ZZEF1: variants seen among roughly 807,000 people sequenced by gnomAD.
ZZEF1 encodes the protein zinc finger ZZ-type and EF-hand domain-containing protein 1.
In ZZEF1, 157 loss-of-function variants were observed where a neutral mutation model predicts 342.8. The observed-to-expected ratio is 0.46, with a 90% CI of 0.40 to 0.52. The LOEUF is 0.52. Ranked by LOEUF, ZZEF1 falls within the 20% of genes least tolerant of loss-of-function variation. The pLI is 0.00. For synonymous variants in ZZEF1, 1,505 were observed against 1,429.1 expected (o/e 1.05, Z -1.20); for missense variants, 3,480 against 3,725.6 (o/e 0.93, Z 1.72).
intron 51 of ZZEF1, among the ~76,000 whole-genome samples, chr17:4,013,883 T>G (rs2056032139): frequency 6.6e-6 from 1 of 152,230 alleles, no homozygotes; most frequent in African/African-American, 2.4e-5. Context: ...GACAGAATGC[T>G]TCTCATAGCT....
At chr17:4,137,516 G>A (rs999906915) in intron 1 of ZZEF1, among the ~76,000 whole-genome samples, 1 of 152,206 alleles carries the variant, frequency 6.6e-6, no homozygotes, top group East Asian at 1.9e-4. Flanking sequence ...GGAGGCTGAG[G>A]CAGGAGAATG....
intron 32 of ZZEF1, among the ~76,000 whole-genome samples, chr17:4,057,299 A>T (rs1057159789): frequency 6.6e-6 from 1 of 152,230 alleles, no homozygotes; most frequent in Non-Finnish European, 1.5e-5. Flanking sequence ...TTCGTGAACT[A>T]AAGAGACGGC....
intron 1 of ZZEF1, among the ~76,000 whole-genome samples, chr17:4,130,235 C>T (rs2058641799): frequency 6.6e-6 from 1 of 152,162 alleles, no homozygotes; most frequent in African/African-American, 2.4e-5. Context: ...AGGCAGATCA[C>T]CTGAGGTCAG....
intron 42 of ZZEF1, among the ~76,000 whole-genome samples, chr17:4,028,319 C>T (rs1321296368): frequency 6.6e-6 from 1 of 152,152 alleles, no homozygotes; most frequent in Non-Finnish European, 1.5e-5. Context: ...GAGGCCAAGG[C>T]AGGCGAATCA....
intron 39 of ZZEF1, among the ~76,000 whole-genome samples, chr17:4,038,622 T>A (rs1029322716): frequency 6.6e-5 from 10 of 151,978 alleles, no homozygotes; most frequent in African/African-American, 2.4e-4. Flanking sequence ...CTGGCCAACA[T>A]GGTGAAACCC....
intron 39 of ZZEF1, among the ~76,000 whole-genome samples, chr17:4,039,268 G>C (rs1438062058): frequency 6.6e-6 from 1 of 151,674 alleles, no homozygotes; most frequent in Non-Finnish European, 1.5e-5. Flanking sequence ...GGCAGTTCTA[G>C]ACCAGCCTGT....
chr17:4,090,945 A>G (rs2057931788), intron 11 of ZZEF1, 115 bp from the exon 12 acceptor site: 3 of 754,522 alleles, frequency 4.0e-6, no homozygotes, highest in African/African-American at 3.4e-5. Context: ...TCAGTGAACA[A>G]TCGAGAGCTG....
chr17:4,034,025 A>G lies in ZZEF1; in HGVS notation c.6574T>C (p.Cys2192Arg), dbSNP rs772561610. The change falls in exon 40 of 55, where the codon TGT (cysteine) becomes CGT (arginine). Residue 2192 changes from cysteine (C) to arginine (R), a missense_variant. Around this residue, in one of 5 missense-constraint regions of ZZEF1, gnomAD observed 1,269 missense variants for 1,342.4 expected, o/e 0.95. Transcript: ENST00000381638. The stretch of plus-strand genomic sequence containing the variant: ...GAGGACCAAGGCTACCTGTCCAGAC[A>G]CACAGCTCCCAGGCTAAAGAGCAGG... ...THLLFSLGAV[C>R]LDSRVGLDWA... 26 of 1,613,906 alleles carry G rather than the reference A, an allele frequency of 1.6e-5. No individual in the cohort carries two copies. The highest frequency in any genetic ancestry group is 2.1e-5 in the Non-Finnish European group (25 of 1,179,992).
At chr17:4,063,315 T>TA (rs2057322494) in intron 29 of ZZEF1, among the ~76,000 whole-genome samples, 2 of 152,140 alleles carry the variant, frequency 1.3e-5, no homozygotes, top group Non-Finnish European at 2.9e-5. Flanking sequence ...CCTGGCTGGG[T>TA]GTGGTGGCTC....
At chr17:4,022,623 G>T in intron 44 of ZZEF1, 86 bp downstream of exon 44, 1 of 1,592,086 alleles carries the variant, frequency 6.3e-7, no homozygotes. Flanking sequence ...CAGGGCAGAA[G>T]CAGCTGGAAC....
chr17:4,130,366 T>C (rs1338447487), intron 1 of ZZEF1, among the ~76,000 whole-genome samples: 1 of 152,078 alleles, frequency 6.6e-6, no homozygotes, highest in African/African-American at 2.4e-5. Context: ...GGCAGGAGAA[T>C]CGCTTGAACC....
chr17:4,085,073 C>T (rs1035366669), intron 16 of ZZEF1, among the ~76,000 whole-genome samples: 2 of 152,132 alleles, frequency 1.3e-5, no homozygotes, highest in African/African-American at 2.4e-5. Flanking sequence ...GATTGCACCA[C>T]TGCACTCCAG....
chr17:4,042,672 G>C (rs1244779477), intron 38 of ZZEF1, 104 bp from the exon 39 acceptor site: 3 of 1,217,862 alleles, frequency 2.5e-6, no homozygotes, highest in East Asian at 2.6e-5. Flanking sequence ...AATAAAGCTG[G>C]GATTTTATTC....
At chr17:4,116,889 G>A (rs750929724) in intron 3 of ZZEF1, 83 bp downstream of exon 3, 7 of 1,378,102 alleles carry the variant, frequency 5.1e-6, no homozygotes, top group Non-Finnish European at 6.8e-6. Context: ...TGAAGGCAGG[G>A]AAAAGAATTG....
intron 43 of ZZEF1, 58 bp downstream of exon 43, chr17:4,024,861 C>A: frequency 6.6e-7 from 1 of 1,504,362 alleles, no homozygotes; most frequent in South Asian, 1.1e-5. Flanking sequence ...TAGTTAATCC[C>A]CATGCAGATG....
Position 4,022,821 on chromosome 17 carries a change from C to T in ZZEF1, c.7100G>A (p.Gly2367Asp), listed in dbSNP as rs755326282. ...KGLYKTLKAH[G>D]FEEIRATFLQ... The stretch of plus-strand genomic sequence containing the variant: ...GAAAGTAGCACGGATCTCCTCAAAA[C>T]CGTGAGCCTGCCAAGCAGAAGAAGA... The change falls in exon 44 of 55, where the codon GGT (glycine) becomes GAT (aspartate). Residue 2367 changes from glycine to aspartate, a missense_variant. Coordinates refer to ENST00000381638, the MANE Select transcript of ZZEF1 (RefSeq NM_015113.4). The T allele has an allele frequency of 1.1e-5, 17 of 1,613,726 alleles. No homozygotes were observed. The highest frequency in any genetic ancestry group is 3.3e-4 in the Middle Eastern group (2 of 6,062).
chr17:4,101,461 C>T (rs912245795), intron 9 of ZZEF1, among the ~76,000 whole-genome samples: 1 of 152,088 alleles, frequency 6.6e-6, no homozygotes, highest in African/African-American at 2.4e-5. Flanking sequence ...AGGCGGCCAA[C>T]AAGACGAATG....
Position 4,013,435 on chromosome 17 carries a change from G to A in ZZEF1, c.8579+14C>T, listed in dbSNP as rs17175885. On this transcript the variant is annotated intron_variant, in intron 52 of 54. Transcript: ENST00000381638. ...TATGCCTGGCAAAGGGCTGCCATCC[G>A]GGACACCGCTTACCTGTGGCCGCAG... 112,132 of 1,582,912 alleles carry A rather than the reference G, an allele frequency of 0.071. 4,678 individuals are homozygous for A. The highest frequency in any genetic ancestry group is 0.15 in the Admixed American group (8,686 of 56,758).
chr17:4,024,189 T>TTTTTG (rs1217105407), intron 43 of ZZEF1, among the ~76,000 whole-genome samples: 10 of 123,758 alleles, frequency 8.1e-5, no homozygotes, highest in South Asian at 2.6e-4. Flanking sequence ...TGCCCAGGTT[T>TTTTTG]TTTTTTTTTT....
Sources: gnomAD v4.1 joint callset for allele counts (sites outside exome capture counted in the v4.1 genomes callset) on GRCh38, gnomAD v4.1.1 for gene constraint, gnomAD v4.1.1 regional missense constraint, MANE v1.5 for transcripts, NCBI Gene and HGNC (gene_info 2026-07-23, HGNC 2026-07-21) for gene names.